The following SETDB1 variants were observed in gnomAD, a reference collection of about 807,000 sequenced individuals.
The protein encoded by SETDB1 is histone-lysine N-methyltransferase SETDB1.
Under a neutral mutation model 137.4 loss-of-function variants are expected in SETDB1, and 31 were observed. That is an observed-to-expected ratio of 0.23 (90% CI 0.17 to 0.30). The LOEUF (loss-of-function observed/expected upper bound fraction) is 0.30. SETDB1 is among the 10% of genes least tolerant of loss of function. SETDB1 has a pLI of 1.00. For synonymous variants in SETDB1, 548 were observed against 579.9 expected (o/e 0.95, Z 0.79); for missense variants, 1,113 against 1,631.5 (o/e 0.68, Z 5.47).
At chr1:150,936,748 C>T (rs1763446) in intron 3 of SETDB1, among the ~76,000 whole-genome samples, 1 of 151,986 alleles carries the variant, frequency 6.6e-6, no homozygotes, top group East Asian at 1.9e-4. Flanking sequence ...CACAGTAGTG[C>T]TATCATAGCT....
Position 150,927,786 on chromosome 1 carries a change from G to A in SETDB1, c.72G>A (p.Glu24=). 1 of 1,614,196 alleles carries A rather than the reference G, an allele frequency of 6.2e-7. No individual in the cohort carries two copies. The highest frequency in any genetic ancestry group is 8.5e-7 in the Non-Finnish European group (1 of 1,180,024). The change falls in exon 2 of 22, where the codon GAG becomes GAA. Residue 24 remains glutamate, a synonymous_variant. Coordinates refer to ENST00000692827, the MANE Select transcript of SETDB1 (RefSeq NM_001366418.1). Reference sequence around the variant, plus strand: ...CAGTGGAGTCTGAAGAGATTGCAGAGCTGCAACAGGCAGTGGTTGAGGAAC... The same window carrying A: ...CAGTGGAGTCTGAAGAGATTGCAGAACTGCAACAGGCAGTGGTTGAGGAAC... ...TATVESEEIA[E]LQQAVVEELG...
chr1:150,927,872 G>T lies in SETDB1; in HGVS notation c.158G>T (p.Cys53Phe), dbSNP rs999940543. ...GATGAGGAACTGGAGAAGATGGATT[G>T]TGTACAGCAACGCAAGAAGCAGCTA... is the stretch of plus-strand genomic sequence containing the variant. ...FIDEELEKMD[C>F]VQQRKKQLAE... The change falls in exon 2 of 22, where the codon TGT (cysteine) becomes TTT (phenylalanine). Residue 53 changes from cysteine (C) to phenylalanine (F), a missense_variant. This residue lies in a region of SETDB1 where 159 missense variants were observed against 188.6 expected (regional missense o/e 0.84). Coordinates refer to ENST00000692827, the MANE Select transcript of SETDB1 (RefSeq NM_001366418.1). 6.2e-6 allele frequency: 10 copies of T among 1,614,046 alleles called. No individual in the cohort carries two copies. Among genetic ancestry groups the T allele is most frequent in the Non-Finnish European group, 8.5e-6 (10 of 1,180,052 alleles).
rs1288423699 is a variant in SETDB1, at chr1:150,959,268, A to G, written c.2424A>G (p.Leu808=). Residue 808 remains leucine (L), a synonymous_variant, in exon 15 of 22, where the codon CTA becomes CTG. Coordinates refer to ENST00000692827, the MANE Select transcript of SETDB1 (RefSeq NM_001366418.1). ...VQHGLQVRLQ[L]FKTQNKGWGI... ...ATGGACTACAAGTTCGGCTACAGCT[A>G]TTCAAGACACAGAACAAGGGCTGGG... 2 of 1,610,460 alleles carry G rather than the reference A, an allele frequency of 1.2e-6. No homozygotes were observed. Among genetic ancestry groups the G allele is most frequent in the East Asian group, 2.2e-5 (1 of 44,696 alleles).
intron 3 of SETDB1, among the ~76,000 whole-genome samples, chr1:150,936,111 C>T (rs896693784): frequency 4.6e-5 from 7 of 152,086 alleles, no homozygotes; most frequent in African/African-American, 1.7e-4. Flanking sequence ...CTCAGCCTCC[C>T]GAGTAGCTGG....
intron 14 of SETDB1, among the ~76,000 whole-genome samples, chr1:150,958,293 C>T (rs1276262630): frequency 6.8e-6 from 1 of 146,924 alleles, no homozygotes; most frequent in Admixed American, 6.8e-5. Flanking sequence ...ACCCTGTCGC[C>T]CAGATTGGAG....
At chr1:150,958,545 C>T (rs587681271) in intron 14 of SETDB1, among the ~76,000 whole-genome samples, 10 of 150,026 alleles carry the variant, frequency 6.7e-5, no homozygotes, top group Admixed American at 5.9e-4. Context: ...CCACCACGCC[C>T]AGCACGATCT....
Position 150,950,702 on chromosome 1 carries a change from C to A in SETDB1, c.1828C>A (p.Arg610=), listed in dbSNP as rs780928251. 1.2e-6 allele frequency: 2 copies of A among 1,614,070 alleles called. No individual in the cohort carries two copies. The highest frequency in any genetic ancestry group is 2.7e-5 in the African/African-American group (2 of 74,920). The stretch of plus-strand genomic sequence containing the variant: ...GCTGGTCCCGTTACTATATGACTTC[C>A]GGCGGATGACAGCCCGGCGTCGAGT... ...PLLVPLLYDF[R]RMTARRRVNR... is the part of the protein sequence containing the mutation. Residue 610 remains arginine, a synonymous_variant, in exon 13 of 22, where the codon CGG becomes AGG. Coordinates refer to ENST00000692827, the MANE Select transcript of SETDB1 (RefSeq NM_001366418.1).
chr1:150,949,107 TC>T lies in SETDB1; in HGVS notation c.1268-13del, dbSNP rs1558020670. On this transcript the variant is annotated splice_polypyrimidine_tract_variant and intron_variant, in intron 10 of 21. Coordinates refer to ENST00000692827, the MANE Select transcript of SETDB1 (RefSeq NM_001366418.1). Reference sequence around the variant, plus strand: ...GCTATCATCTTCTCAGTGCTCAATTTCCTTTTTCCTATAGGTGCTGTGAGGA... The same window carrying T: ...GCTATCATCTTCTCAGTGCTCAATTTCTTTTTCCTATAGGTGCTGTGAGGA... 11 of 1,607,348 alleles carry T rather than the reference TC, an allele frequency of 6.8e-6. No homozygotes were observed. The highest frequency in any genetic ancestry group is 5.1e-6 in the Non-Finnish European group (6 of 1,175,388).
chr1:150,944,184 G>T (rs1363459715), intron 8 of SETDB1, among the ~76,000 whole-genome samples, 191 bp downstream of exon 8: 1 of 152,162 alleles, frequency 6.6e-6, no homozygotes, highest in Non-Finnish European at 1.5e-5. Flanking sequence ...TCATCTCCAG[G>T]ACTGGGTCTT....
At chr1:150,952,925 C>G (rs1670533933) in intron 14 of SETDB1, among the ~76,000 whole-genome samples, 1 of 152,042 alleles carries the variant, frequency 6.6e-6, no homozygotes, top group African/African-American at 2.4e-5. Context: ...AAATGCCTGT[C>G]AGGCAATCCA....
Position 150,951,007 on chromosome 1 carries a change from A to G in SETDB1, c.2133A>G (p.Glu711=), listed in dbSNP as rs765162972. The G allele has an allele frequency of 6.2e-7, 1 of 1,613,990 alleles. No homozygotes were observed. The highest frequency in any genetic ancestry group is 8.5e-7 in the Non-Finnish European group (1 of 1,179,932). The change falls in exon 13 of 22, where the codon GAA becomes GAG. Residue 711 remains glutamate (E), a synonymous_variant. Coordinates refer to ENST00000692827, the MANE Select transcript of SETDB1 (RefSeq NM_001366418.1). The part of the protein sequence containing the change: ...TPPPQVAYSK[E]RIPGKGVFIN... ...CACCCCAGGTGGCCTACAGCAAGGA[A>G]CGTATCCCGGGCAAGGGTGTTTTCA...
intron 14 of SETDB1, among the ~76,000 whole-genome samples, chr1:150,958,665 CCTAT>C (rs1179897579): frequency 6.6e-6 from 1 of 152,114 alleles, no homozygotes; most frequent in Non-Finnish European, 1.5e-5. Context: ...CACAGTTCCT[CCTAT>C]CTCTTTATTC....
intron 8 of SETDB1, among the ~76,000 whole-genome samples, chr1:150,944,663 C>G (rs2102698924): frequency 6.6e-6 from 1 of 152,266 alleles, no homozygotes; most frequent in South Asian, 2.1e-4. Context: ...AGAGGAGAAA[C>G]ATCCATTTGT....
At chr1:150,941,473 TAC>T in intron 5 of SETDB1, 45 bp downstream of exon 5, 5 of 1,180,374 alleles carry the variant, frequency 4.2e-6, no homozygotes, top group Non-Finnish European at 6.3e-6. Context: ...GGTGAATTCT[TAC>T]AGAGATTTTG....
Position 150,949,425 on chromosome 1 carries a change from T to G in SETDB1, c.1483T>G (p.Phe495Val), listed in dbSNP as rs1670432693. Residue 495 changes from phenylalanine (F) to valine (V), a missense_variant, in exon 12 of 22, where the codon TTT becomes GTT. This residue lies in a region of SETDB1 where 192 missense variants were observed against 198.1 expected (regional missense o/e 0.97). Transcript: ENST00000692827. ...GCAGGTAGCCAAAAAGAGCACGTCCTTTCGACCAGGATCTGTGGGCTCTGG... is the reference window on the plus strand; with the variant it reads ...GCAGGTAGCCAAAAAGAGCACGTCCGTTCGACCAGGATCTGTGGGCTCTGG... ...RKQVAKKSTS[F>V]RPGSVGSGHS... 2.5e-6 allele frequency: 4 copies of G among 1,614,084 alleles called. No individual in the cohort carries two copies.
chr1:150,931,280 AAG>A lies in SETDB1; in HGVS notation c.412+1163_412+1164del, dbSNP rs1491212258. On this transcript the variant is annotated intron_variant, in intron 3 of 21. Coordinates refer to ENST00000692827, the MANE Select transcript of SETDB1 (RefSeq NM_001366418.1). ...TGTCTTCAAAAAAAAAAAAAAAAAA[AAG>A]GGTTTCCAGAACAGACATCCTGGCC... Among the ~76,000 whole-genome samples, 54 of 145,366 alleles carry A rather than the reference AAG, an allele frequency of 3.7e-4. 2 individuals carry two copies. Among genetic ancestry groups the A allele is most frequent in the South Asian group, 1.3e-3 (6 of 4,664 alleles).
chr1:150,942,590 T>C lies in SETDB1; in HGVS notation c.575T>C (p.Leu192Pro). ...ACCTTGAGTCAGATGTCTGGAGAAC[T>C]AAGCAAAGATGGTGACCTGATAGTC... Reference protein sequence around the residue: ...KGTLSQMSGELSKDGDLIVSM... With the variant: ...KGTLSQMSGEPSKDGDLIVSM... Residue 192 changes from leucine (L) to proline (P), a missense_variant, in exon 6 of 22, where the codon CTA becomes CCA. Physicochemically the swap from Leu to Pro is moderately conservative, Grantham distance 98. Transcript: ENST00000692827. 1 of 1,613,392 alleles carries C rather than the reference T, an allele frequency of 6.2e-7. No individual in the cohort carries two copies. The highest frequency in any genetic ancestry group is 1.1e-5 in the South Asian group (1 of 90,926).
intron 16 of SETDB1, 134 bp downstream of exon 16, chr1:150,961,325 C>A: frequency 1.1e-6 from 1 of 906,096 alleles, no homozygotes; most frequent in South Asian, 1.6e-5. Flanking sequence ...TTATCTCTCC[C>A]CCTAACTAGC....
At chr1:150,956,040 C>T (rs1205109290) in intron 14 of SETDB1, among the ~76,000 whole-genome samples, 4 of 142,174 alleles carry the variant, frequency 2.8e-5, no homozygotes, top group Non-Finnish European at 4.5e-5. Context: ...TGCAGTGAGC[C>T]GAGATTGCAC....
Sources: gnomAD v4.1 joint callset for allele counts (sites outside exome capture counted in the v4.1 genomes callset) on GRCh38, gnomAD v4.1.1 for gene constraint, gnomAD v4.1.1 regional missense constraint, MANE v1.5 for transcripts, NCBI Gene and HGNC (gene_info 2026-07-23, HGNC 2026-07-21) for gene names.